Variants in SRP19 observed in about 807,000 individuals in gnomAD.
SRP19 encodes signal recognition particle 19 kDa protein.
In SRP19, 11 loss-of-function variants were observed where a neutral mutation model predicts 22.4. The ratio of observed to expected loss-of-function variants is 0.49; its 90% CI spans 0.31 to 0.81. The LOEUF (loss-of-function observed/expected upper bound fraction) is 0.81. Among genes scored for constraint, SRP19 ranks in the 40% least tolerant of loss-of-function variants. The pLI is 0.05. For synonymous variants in SRP19, 61 were observed against 57.6 expected, an observed-to-expected ratio of 1.06 and a Z score of -0.27; for missense variants, 168 against 175.9, an observed-to-expected ratio of 0.96 and a Z score of 0.25.
intron 4 of SRP19, among the ~76,000 whole-genome samples, chr5:112,876,159 G>A (rs1391827290): frequency 1.3e-5 from 2 of 152,096 alleles, no homozygotes; most frequent in East Asian, 3.8e-4. Context: ...TCCTTTAAAT[G>A]TAGTGCTAAT....
intron 4 of SRP19, among the ~76,000 whole-genome samples, chr5:112,890,793 C>T (rs1768415119): frequency 6.6e-6 from 1 of 150,800 alleles, no homozygotes; most frequent in African/African-American, 2.5e-5. Flanking sequence ...AACTTCCAAT[C>T]CTGGTTCTGC....
At chr5:112,884,826 G>T (rs1768192008) in intron 4 of SRP19, among the ~76,000 whole-genome samples, 1 of 150,654 alleles carries the variant, frequency 6.6e-6, no homozygotes, top group Admixed American at 6.6e-5. Flanking sequence ...TATATTATAT[G>T]GTAAATATAC....
intron 4 of SRP19, chr5:112,878,853 G>C: frequency 6.2e-7 from 1 of 1,613,962 alleles, no homozygotes; most frequent in African/African-American, 1.3e-5. Flanking sequence ...TTTGTTAGGA[G>C]GGAAAGAAAA....
downstream of SRP19, among the ~76,000 whole-genome samples, chr5:112,873,715 A>G (rs534194581): frequency 6.6e-6 from 1 of 152,102 alleles, no homozygotes; most frequent in African/African-American, 2.4e-5. Flanking sequence ...TTCTCAGTTC[A>G]TGGATGTAAT....
chr5:112,890,369 CT>C (rs34475290), intron 4 of SRP19, among the ~76,000 whole-genome samples: 60,815 of 143,054 alleles, frequency 0.43, 14,760 homozygotes, highest in African/African-American at 0.67. Context: ...AAATTTAAGT[CT>C]TTTTTTTTTT....
downstream of SRP19, chr5:112,897,063 T>A (rs952600403): frequency 6.6e-6 from 1 of 152,166 alleles, no homozygotes; most frequent in Non-Finnish European, 1.5e-5. Flanking sequence ...AGGTAAATTA[T>A]CAATAACATT....
chr5:112,887,010 C>CT (rs778248347), intron 4 of SRP19: 1 of 1,594,878 alleles, frequency 6.3e-7, no homozygotes, highest in Non-Finnish European at 8.6e-7. Context: ...GTTCCTGAGT[C>CT]TTACCTTCTT....
chr5:112,878,902 G>A (rs1024668666), intron 4 of SRP19: 3 of 1,611,948 alleles, frequency 1.9e-6, no homozygotes, highest in Non-Finnish European at 2.5e-6. Flanking sequence ...AAGCTTGCAA[G>A]CTTTGTGCCT....
exon 5 of SRP19, chr5:112,891,781 C>A (rs1474543423): frequency 1.2e-6 from 2 of 1,612,786 alleles, no homozygotes. Flanking sequence ...AGACTCAGGA[C>A]TCTCACAGGA....
At chr5:112,870,441 A>G (rs968850096), downstream of SRP19, among the ~76,000 whole-genome samples, 18 of 151,924 alleles carry the variant, frequency 1.2e-4, no homozygotes, top group Non-Finnish European at 1.3e-4. Context: ...TGATCATGCT[A>G]TTCCACTCAC....
At chr5:112,863,207 C>G (rs527675847) in intron 2 of SRP19, among the ~76,000 whole-genome samples, 125 of 152,308 alleles carry the variant, frequency 8.2e-4, no homozygotes, top group African/African-American at 2.8e-3. Context: ...ACCGTTATGA[C>G]TTCAACACCA....
At chr5:112,892,350 C>G in exon 5 of SRP19, 1 of 1,614,112 alleles carries the variant, frequency 6.2e-7, no homozygotes, top group Non-Finnish European at 8.5e-7. Context: ...AGGAAGAAAC[C>G]TACCAACAGT....
downstream of SRP19, among the ~76,000 whole-genome samples, chr5:112,872,273 TG>T (rs1767776003): frequency 6.7e-6 from 1 of 150,320 alleles, no homozygotes; most frequent in Admixed American, 6.6e-5. Context: ...GCAGTATCTC[TG>T]GCCCCAGCCC....
intron 4 of SRP19, among the ~76,000 whole-genome samples, chr5:112,884,697 T>TTGAGTC (rs940890292): frequency 1.3e-5 from 2 of 150,738 alleles, no homozygotes; most frequent in African/African-American, 5.0e-5. Flanking sequence ...TTTACTACTA[T>TTGAGTC]TGAGTCTGAT....
At chr5:112,864,573 G>A in intron 3 of SRP19, 45 bp downstream of exon 3, 1 of 1,611,204 alleles carries the variant, frequency 6.2e-7, no homozygotes, top group East Asian at 2.2e-5. Flanking sequence ...TCTAATTGAT[G>A]TAATAACTTT....
downstream of SRP19, chr5:112,893,094 T>TAAAAAAAAAAAAAA (rs552226372): frequency 2.0e-4 from 100 of 501,486 alleles, no homozygotes; most frequent in South Asian, 2.7e-4. Flanking sequence ...GTTTTGTTCT[T>TAAAAAAAAAAAAAA]AAAAAAAAAA....
chr5:112,866,912 G>C (rs765856962), intron 4 of SRP19, among the ~76,000 whole-genome samples: 1 of 152,298 alleles, frequency 6.6e-6, no homozygotes, highest in East Asian at 1.9e-4. Flanking sequence ...TGGTCTGTTG[G>C]GGGTGAAGGT....
Position 112,867,733 on chromosome 5 carries a change from G to T in SRP19, c.*196G>T, listed in dbSNP as rs913669159. 1 of 1,276,500 alleles carries T rather than the reference G, an allele frequency of 7.8e-7. No homozygotes were observed. The highest frequency in any genetic ancestry group is 3.7e-5 in the Admixed American group (1 of 27,256). The allele number at this position is 1,276,500 out of a possible 1,614,324, so 79.1% of individuals were successfully genotyped here. ...GAAGTTTGCATCTCGCGTATATGCC[G>T]TATAAAAGAATTTTTTTGTCTTTCA... On this transcript the variant is annotated 3_prime_UTR_variant, in exon 5 of 5. Coordinates refer to ENST00000505459, the MANE Select transcript of SRP19 (RefSeq NM_003135.3).
chr5:112,889,730 C>T (rs898447925), intron 4 of SRP19, among the ~76,000 whole-genome samples: 1 of 150,474 alleles, frequency 6.6e-6, no homozygotes, highest in South Asian at 2.1e-4. Flanking sequence ...CCTGTAATCC[C>T]AGCACTTTGG....
Sources: gnomAD v4.1 joint callset for allele counts (sites outside exome capture counted in the v4.1 genomes callset) on GRCh38, gnomAD v4.1.1 for gene constraint, MANE v1.5 for transcripts, NCBI Gene and HGNC (gene_info 2026-07-23, HGNC 2026-07-21) for gene names.